The following AOPEP variants were observed in gnomAD, a reference collection of about 807,000 sequenced individuals.
AOPEP encodes the protein aminopeptidase O.
A neutral mutation model predicts 98.1 loss-of-function variants in AOPEP; 77 were observed. That is an observed-to-expected ratio of 0.78 (90% confidence interval 0.65 to 0.95). AOPEP has a LOEUF of 0.95. Among genes scored for constraint, AOPEP ranks in the 40% least tolerant of loss-of-function variants. The pLI, the probability that AOPEP is intolerant of heterozygous loss-of-function variation, is 0.00. For missense variants in AOPEP, 1,024 were observed against 1,024.7 expected, an observed-to-expected ratio of 1.00 and a Z score of 0.01; for synonymous variants, 346 against 365.3, an observed-to-expected ratio of 0.95 and a Z score of 0.60.
chr9:95,028,436 C>T (rs1587681549), intron 13 of AOPEP, among the ~76,000 whole-genome samples: 1 of 152,336 alleles, frequency 6.6e-6, no homozygotes, highest in South Asian at 2.1e-4. Context: ...ACTACCCACA[C>T]AGCCTTCAGG....
intron 1 of AOPEP, among the ~76,000 whole-genome samples, chr9:94,738,634 C>T (rs572151397): frequency 2.6e-5 from 4 of 152,248 alleles, no homozygotes; most frequent in South Asian, 4.1e-4. Context: ...CATGCAGTGG[C>T]GCAATCTCCG....
chr9:94,958,176 G>C (rs1407438635), intron 9 of AOPEP, among the ~76,000 whole-genome samples: 4 of 152,196 alleles, frequency 2.6e-5, no homozygotes, highest in Non-Finnish European at 4.4e-5. Flanking sequence ...ACTTCACTTA[G>C]CATAATGTCT....
intron 10 of AOPEP, 24 bp from the exon 11 acceptor site, chr9:94,979,343 C>G: frequency 6.4e-7 from 1 of 1,556,030 alleles, no homozygotes; most frequent in Non-Finnish European, 8.8e-7. Context: ...TAATCCTTTA[C>G]TTTTTGTTGT....
intron 1 of AOPEP, among the ~76,000 whole-genome samples, chr9:94,746,159 C>A (rs1834439307): frequency 6.6e-6 from 1 of 152,238 alleles, no homozygotes; most frequent in African/African-American, 2.4e-5. Flanking sequence ...CCTTCACCAC[C>A]CTGAATCCAG....
intron 13 of AOPEP, among the ~76,000 whole-genome samples, chr9:95,009,623 C>A (rs1055765692): frequency 2.0e-5 from 3 of 152,106 alleles, no homozygotes; most frequent in Non-Finnish European, 4.4e-5. Flanking sequence ...CGTTTCCAAG[C>A]GAGTGGTCTT....
At chr9:94,821,381 A>G (rs937507395) in intron 5 of AOPEP, among the ~76,000 whole-genome samples, 5 of 152,242 alleles carry the variant, frequency 3.3e-5, no homozygotes. Flanking sequence ...ACAATGAGAA[A>G]AAATGAAGGG....
At chr9:95,068,023 C>G (rs1286548467) in intron 14 of AOPEP, among the ~76,000 whole-genome samples, 1 of 152,126 alleles carries the variant, frequency 6.6e-6, no homozygotes, top group African/African-American at 2.4e-5. Flanking sequence ...TACTTCATTC[C>G]TTTTTATTGC....
intron 5 of AOPEP, among the ~76,000 whole-genome samples, chr9:94,913,176 G>A (rs1240123336): frequency 6.6e-6 from 1 of 152,214 alleles, no homozygotes; most frequent in African/African-American, 2.4e-5. Context: ...GAACCATCCA[G>A]AGAAATGGGA....
At chr9:95,146,702 T>C in the AOPEP span, among the ~76,000 whole-genome samples, 4 of 151,898 alleles carry the variant, frequency 2.6e-5, no homozygotes, top group Non-Finnish European at 5.9e-5. Context: ...ACACAGTGGA[T>C]TCACAGTGTT....
chr9:94,788,488 C>CTTT (rs1234437669), intron 3 of AOPEP, among the ~76,000 whole-genome samples: 1 of 148,912 alleles, frequency 6.7e-6, no homozygotes, highest in African/African-American at 2.5e-5. Flanking sequence ...TTGTCTTATG[C>CTTT]TTTGTTTTTT....
rs1029081021 is a variant in AOPEP, at chr9:94,760,635, G to A, written c.797+55G>A. Reference sequence around the variant, plus strand: ...TGCCTGTTAATCTTGTACGCTGCGGGGATGCTTTCAAACATGAGACCGGCT... The same window carrying A: ...TGCCTGTTAATCTTGTACGCTGCGGAGATGCTTTCAAACATGAGACCGGCT... On this transcript the variant is annotated intron_variant, in intron 2 of 16. Transcript: ENST00000375315. 5.7e-5 allele frequency: 80 copies of A among 1,400,248 alleles called. 1 individual carries two copies. The South Asian group carries it at 1.1e-3, about 19-fold the overall frequency. The allele number at this position is 1,400,248 out of a possible 1,614,324, so 86.7% of individuals were successfully genotyped here.
intron 1 of AOPEP, among the ~76,000 whole-genome samples, chr9:94,743,940 A>G (rs1321832151): frequency 1.3e-5 from 2 of 152,214 alleles, no homozygotes; most frequent in Admixed American, 1.3e-4. Flanking sequence ...CAGTGAGAGC[A>G]TTAATGAAGT....
At chr9:95,012,158 A>G (rs956371570) in intron 13 of AOPEP, among the ~76,000 whole-genome samples, 38 of 152,204 alleles carry the variant, frequency 2.5e-4, no homozygotes, top group African/African-American at 8.7e-4. Flanking sequence ...AAGTCAAACA[A>G]TTGCTATAAA....
chr9:95,000,964 G>A (rs545440811), intron 11 of AOPEP, among the ~76,000 whole-genome samples: 2 of 152,178 alleles, frequency 1.3e-5, no homozygotes, highest in South Asian at 2.1e-4. Context: ...TTTTCCCTCC[G>A]CTGTGCCTGA....
intron 7 of AOPEP, among the ~76,000 whole-genome samples, chr9:94,954,824 T>C (rs1234556697): frequency 6.6e-6 from 1 of 152,258 alleles, no homozygotes; most frequent in East Asian, 1.9e-4. Context: ...ATAAGTTCTT[T>C]ACTTTTCCAA....
rs2070747100 is a variant in AOPEP, at chr9:95,086,701, C to G, written c.*24C>G. On this transcript the variant is annotated 3_prime_UTR_variant, in exon 17 of 17. Coordinates refer to ENST00000375315, the MANE Select transcript of AOPEP (RefSeq NM_001193329.3). ...TTGCAGGAAAGACCACAGCAAGATT[C>G]TTTCATTCGTCTCCTCCTAGCCTGG... 4 of 988,166 alleles carry G rather than the reference C, an allele frequency of 4.0e-6. No individual in the cohort carries two copies. The highest frequency in any genetic ancestry group is 4.7e-5 in the South Asian group (1 of 21,390). 61.2% of individuals were successfully genotyped at this position (988,166 alleles called of 1,614,324 possible).
intron 5 of AOPEP, among the ~76,000 whole-genome samples, chr9:94,802,667 G>C (rs1167514302): frequency 6.6e-6 from 1 of 152,148 alleles, no homozygotes; most frequent in Non-Finnish European, 1.5e-5. Context: ...TCATAACTTA[G>C]CAACAACAAG....
intron 3 of AOPEP, among the ~76,000 whole-genome samples, chr9:94,775,635 A>C (rs959815926): frequency 2.0e-5 from 3 of 151,944 alleles, no homozygotes; most frequent in African/African-American, 7.2e-5. Flanking sequence ...AAAGTGCTGC[A>C]ATTACAGGTG....
the AOPEP span, among the ~76,000 whole-genome samples, chr9:95,102,548 G>A: frequency 6.6e-6 from 1 of 152,246 alleles, no homozygotes; most frequent in Non-Finnish European, 1.5e-5. Context: ...TTTTGAAAGA[G>A]TAACCGATAT....
Sources: allele counts gnomAD v4.1 joint callset (sites outside exome capture counted in the v4.1 genomes callset), GRCh38; gene constraint gnomAD v4.1.1; transcripts MANE v1.5; gene names NCBI Gene and HGNC (gene_info 2026-07-23, HGNC 2026-07-21).